The following UGT1A6 variants were observed in gnomAD, a reference collection of about 807,000 sequenced individuals.
UGT1A6 encodes UDP glucuronosyltransferase family 1 member A6.
UGT1A6 carries 32 observed loss-of-function variants against 44.4 expected under a neutral mutation model. The observed-to-expected ratio is 0.72, with a 90% CI of 0.54 to 0.97. The LOEUF is 0.97. UGT1A6 is among the 50% of genes least tolerant of loss of function. UGT1A6 has a pLI of 0.00. For missense variants in UGT1A6, 685 were observed against 661.9 expected (o/e 1.03, Z -0.38); for synonymous variants, 238 against 248.5 (o/e 0.96, Z 0.40).
At chr2:233,730,541 T>A (rs1015263117) in intron 1 of UGT1A6, among the ~76,000 whole-genome samples, 1 of 152,098 alleles carries the variant, frequency 6.6e-6, no homozygotes, top group African/African-American at 2.4e-5. Context: ...TTGGGATGGA[T>A]GTCTGTGATT....
chr2:233,744,393 C>T (rs17864702), intron 1 of UGT1A6, among the ~76,000 whole-genome samples: 2,182 of 151,914 alleles, frequency 0.014, 41 homozygotes, highest in South Asian at 0.024. Context: ...GTTCCAGCCC[C>T]GGTGCCCATT....
chr2:233,753,414 T>C (rs1264924326), intron 1 of UGT1A6: 1 of 152,196 alleles, frequency 6.6e-6, no homozygotes, highest in Non-Finnish European at 1.5e-5. Flanking sequence ...CCAAACCCAT[T>C]GTCACAGTAT....
chr2:233,742,226 C>T (rs1013770254), intron 1 of UGT1A6, among the ~76,000 whole-genome samples: 6 of 151,818 alleles, frequency 4.0e-5, no homozygotes, highest in Admixed American at 6.5e-5. Flanking sequence ...GGCTGAGAGC[C>T]CCAAACAGAG....
At chr2:233,711,053 C>T (rs990834283) in intron 1 of UGT1A6, among the ~76,000 whole-genome samples, 3 of 152,170 alleles carry the variant, frequency 2.0e-5, no homozygotes, top group Admixed American at 6.5e-5. Flanking sequence ...ACACCCATGG[C>T]TTCAATCACC....
At chr2:233,692,569 C>G (rs2075102879), upstream of UGT1A6, among the ~76,000 whole-genome samples, 3 of 152,158 alleles carry the variant, frequency 2.0e-5, no homozygotes, top group Admixed American at 2.0e-4. Context: ...GGATACCCAG[C>G]TGGTGTTAGA....
Position 233,748,142 on chromosome 2 carries a change from T to C in UGT1A6, c.862-18892T>C, listed in dbSNP as rs189249427. 1.9e-6 allele frequency: 3 copies of C among 1,607,776 alleles called. No homozygotes were observed. In the East Asian group the frequency reaches 6.7e-5, roughly 36 times the overall value. On this transcript the variant is annotated intron_variant, in intron 1 of 4. Coordinates refer to ENST00000305139, the MANE Select transcript of UGT1A6 (RefSeq NM_001072.4). ...CAAAACAGTTTTTAAAAATTGTATT[T>C]ACTTACAATTGCTTCCATATCTACT...
intron 1 of UGT1A6, chr2:233,721,885 A>G: frequency 2.0e-6 from 1 of 488,602 alleles, no homozygotes; most frequent in South Asian, 1.5e-5. Context: ...CAGCCCCTCC[A>G]TTGCAATATC....
intron 1 of UGT1A6, among the ~76,000 whole-genome samples, chr2:233,757,296 G>A (rs1428870685): frequency 7.7e-6 from 1 of 129,554 alleles, no homozygotes; most frequent in African/African-American, 2.9e-5. Flanking sequence ...ACAGCTGGGG[G>A]TTGGGGGACA....
At chr2:233,761,312 C>T (rs1697739836) in intron 1 of UGT1A6, among the ~76,000 whole-genome samples, 2 of 152,232 alleles carry the variant, frequency 1.3e-5, no homozygotes, top group Non-Finnish European at 2.9e-5. Flanking sequence ...CTGTCTTTGG[C>T]ATCATCTTCT....
chr2:233,742,137 G>A (rs1225241098), intron 1 of UGT1A6, among the ~76,000 whole-genome samples: 1 of 151,882 alleles, frequency 6.6e-6, no homozygotes, highest in Non-Finnish European at 1.5e-5. Context: ...CCCTAACCCA[G>A]CAGCGCTAGA....
chr2:233,761,294 G>T, intron 1 of UGT1A6: 1 of 1,510,468 alleles, frequency 6.6e-7, no homozygotes, highest in Non-Finnish European at 9.0e-7. Flanking sequence ...TGACTCCTAG[G>T]TTTGAGTCTG....
intron 1 of UGT1A6, among the ~76,000 whole-genome samples, chr2:233,705,949 T>A (rs1472932510): frequency 6.6e-6 from 1 of 151,962 alleles, no homozygotes; most frequent in Non-Finnish European, 1.5e-5. Context: ...ATTAGCTGGG[T>A]GTGGAGGTGC....
intron 1 of UGT1A6, among the ~76,000 whole-genome samples, chr2:233,761,626 A>C (rs1697818460): frequency 6.6e-6 from 1 of 152,238 alleles, no homozygotes; most frequent in Non-Finnish European, 1.5e-5. Flanking sequence ...TAAGAAGCTA[A>C]ATCCTGCAGT....
chr2:233,719,056 C>G, intron 1 of UGT1A6: 1 of 1,614,284 alleles, frequency 6.2e-7, no homozygotes, highest in Middle Eastern at 1.6e-4. Context: ...ACCCTGACAG[C>G]CTATGCTGTT....
At chr2:233,717,988 A>G (rs2076619845) in intron 1 of UGT1A6, 1 of 440,500 alleles carries the variant, frequency 2.3e-6, no homozygotes. Context: ...AGGAATTCAG[A>G]CTGTGCAAGA....
intron 1 of UGT1A6, chr2:233,713,124 C>A (rs746932812): frequency 6.2e-7 from 1 of 1,614,184 alleles, no homozygotes; most frequent in South Asian, 1.1e-5. Flanking sequence ...GCTCAGCATG[C>A]GGGAGGCCTT....
chr2:233,713,979 T>C, intron 1 of UGT1A6: 1 of 1,594,106 alleles, frequency 6.3e-7, no homozygotes, highest in South Asian at 1.1e-5. Context: ...CTGCTTCTCA[T>C]TGTTGTAATA....
chr2:233,761,183 A>G (rs753887460), intron 1 of UGT1A6: 42 of 1,614,074 alleles, frequency 2.6e-5, no homozygotes, highest in Non-Finnish European at 3.5e-5. Context: ...TTACATGCGT[A>G]TATTCTTTCA....
chr2:233,719,356 A>C, intron 1 of UGT1A6: 1 of 1,613,848 alleles, frequency 6.2e-7, no homozygotes, highest in Non-Finnish European at 8.5e-7. Context: ...ATTCCATGTG[A>C]CTTAGACTTT....
Sources: allele counts gnomAD v4.1 joint callset (sites outside exome capture counted in the v4.1 genomes callset), GRCh38; gene constraint gnomAD v4.1.1; transcripts MANE v1.5; gene names NCBI Gene and HGNC (gene_info 2026-07-23, HGNC 2026-07-21).